WNT11: variants seen among roughly 807,000 people sequenced by gnomAD.
The protein encoded by WNT11 is Wnt family member 11, also known as protein Wnt-11.
WNT11 carries 20 observed loss-of-function variants against 35.6 expected under a neutral mutation model. That is an observed-to-expected ratio of 0.56 (90% CI 0.40 to 0.82). WNT11 has a LOEUF of 0.82. Ranked by LOEUF, WNT11 falls within the 40% of genes least tolerant of loss-of-function variation. The pLI is 0.00. For synonymous variants in WNT11, 200 were observed against 211.9 expected (o/e 0.94, Z 0.49); for missense variants, 459 against 504.4 (o/e 0.91, Z 0.86).
intron 1 of WNT11, among the ~76,000 whole-genome samples, chr11:76,198,922 T>G (rs1448446829): frequency 1.3e-5 from 2 of 152,056 alleles, no homozygotes. Context: ...TCATCTGAGG[T>G]CAGGAGTTTG....
chr11:76,193,664 C>A (rs1216211333), intron 3 of WNT11, among the ~76,000 whole-genome samples: 2 of 152,238 alleles, frequency 1.3e-5, no homozygotes, highest in Non-Finnish European at 2.9e-5. Flanking sequence ...GCCACTGAAG[C>A]CCCTGGACTT....
intron 3 of WNT11, among the ~76,000 whole-genome samples, chr11:76,192,791 G>A (rs910022120): frequency 2.6e-5 from 4 of 152,216 alleles, no homozygotes; most frequent in African/African-American, 9.7e-5. Flanking sequence ...CCTTCTACGG[G>A]CCTTCCAGTT....
At chr11:76,208,275 T>C (rs1568507), upstream of WNT11, among the ~76,000 whole-genome samples, 1 of 152,080 alleles carries the variant, frequency 6.6e-6, no homozygotes, top group Non-Finnish European at 1.5e-5. Flanking sequence ...CTGGAGCCTG[T>C]CGGCAAAACC....
intron 1 of WNT11, among the ~76,000 whole-genome samples, chr11:76,199,346 GT>G (rs1183082541): frequency 6.6e-6 from 1 of 151,822 alleles, no homozygotes; most frequent in African/African-American, 2.4e-5. Context: ...TTAGCCGGGT[GT>G]TGTGGTGCAT....
intron 4 of WNT11, among the ~76,000 whole-genome samples, chr11:76,189,027 G>A (rs992188644): frequency 6.6e-6 from 1 of 152,188 alleles, no homozygotes; most frequent in Non-Finnish European, 1.5e-5. Context: ...GCAAGTGGGG[G>A]CTGCCAGCAG....
upstream of WNT11, among the ~76,000 whole-genome samples, chr11:76,208,425 G>T (rs1953506483): frequency 6.6e-6 from 1 of 152,210 alleles, no homozygotes; most frequent in African/African-American, 2.4e-5. Context: ...GTGTAACCCA[G>T]TCCCGTCCTC....
In WNT11 at chr11:76,194,616, G is replaced by T. The variant is rs1248504543; in HGVS notation, c.548C>A (p.Ser183Tyr). The T allele has an allele frequency of 1.3e-6, 2 of 1,550,314 alleles. No individual in the cohort carries two copies. The highest frequency in any genetic ancestry group is 3.9e-5 in the Admixed American group (2 of 50,970). Residue 183 changes from serine (S) to tyrosine (Y), a missense_variant, in exon 3 of 5, where the codon TCC becomes TAC. Physicochemically the swap from Ser to Tyr is moderately radical, Grantham distance 144 (BLOSUM62 -2). Coordinates refer to ENST00000322563, the MANE Select transcript of WNT11 (RefSeq NM_004626.3). This position sits in a 1 kb window ranked among gnomAD's most constrained non-coding sequence, Gnocchi z 5.4. Reference protein sequence around the residue: ...DAPMKVKKTGSQANKLMRLHN... With the variant: ...DAPMKVKKTGYQANKLMRLHN... ...TAGACGCATCAGTTTATTGGCTTGGGATCCTGTTTTTTTCACCTTCATAGG... is the reference window on the plus strand; with the variant it reads ...TAGACGCATCAGTTTATTGGCTTGGTATCCTGTTTTTTTCACCTTCATAGG...
At chr11:76,204,817 G>GGAT (rs1953445909) in intron 1 of WNT11, among the ~76,000 whole-genome samples, 1 of 151,982 alleles carries the variant, frequency 6.6e-6, no homozygotes, top group African/African-American at 2.4e-5. Flanking sequence ...TGTGGAGCAG[G>GGAT]GATGATGGCA....
chr11:76,209,494 C>A (rs1304748765), upstream of WNT11, among the ~76,000 whole-genome samples: 1 of 152,170 alleles, frequency 6.6e-6, no homozygotes, highest in Admixed American at 6.5e-5. Flanking sequence ...TCGGCACGGG[C>A]GGGTCCCGAA....
intron 4 of WNT11, 140 bp from the exon 5 acceptor site, chr11:76,187,379 G>T: frequency 1.2e-6 from 1 of 818,960 alleles, no homozygotes; most frequent in Non-Finnish European, 1.7e-6. Context: ...TGATCTTTGG[G>T]GAATTTTAAA....
intron 1 of WNT11, among the ~76,000 whole-genome samples, chr11:76,202,459 T>C (rs1953394915): frequency 6.6e-6 from 1 of 152,114 alleles, no homozygotes; most frequent in Admixed American, 6.5e-5. Context: ...CTTTGGGCTT[T>C]CCTGGGCCCC....
intron 1 of WNT11, among the ~76,000 whole-genome samples, chr11:76,197,438 C>T (rs981950962): frequency 2.6e-5 from 4 of 152,194 alleles, no homozygotes; most frequent in Admixed American, 6.5e-5. Context: ...ACTTATAAAC[C>T]GTATTTCCCA....
At chr11:76,195,141 C>CAGTA (rs1437365494) in intron 2 of WNT11, 2 of 426,818 alleles carry the variant, frequency 4.7e-6, no homozygotes, top group Non-Finnish European at 8.3e-6. Context: ...GGATGCTTTA[C>CAGTA]AGTAGTGAGG....
chr11:76,187,315 G>A, intron 4 of WNT11, 76 bp from the exon 5 acceptor site: 2 of 1,391,374 alleles, frequency 1.4e-6, no homozygotes, highest in Non-Finnish European at 1.9e-6. Context: ...TCCCAGCCAG[G>A]CAGCCGGCAG....
upstream of WNT11, among the ~76,000 whole-genome samples, chr11:76,207,550 C>T (rs576918172): frequency 1.3e-5 from 2 of 152,048 alleles, no homozygotes; most frequent in East Asian, 3.9e-4. Flanking sequence ...TGCTCGGGGC[C>T]CTGCTTTCTC....
rs566408370 is a variant in WNT11, at chr11:76,191,079, T to G, written c.890+485A>C. Among the ~76,000 whole-genome samples, 150 of 152,272 alleles carry G rather than the reference T, an allele frequency of 9.9e-4. 1 individual carries two copies. Among genetic ancestry groups the G allele is most frequent in the Non-Finnish European group, 1.9e-3 (126 of 68,010 alleles). ...ACAGGGGCAGTGTTGCTGCACGGAA[T>G]GCAGGCAGACATCACTCTCCCTCAC... On this transcript the variant is annotated intron_variant, in intron 4 of 4. Transcript: ENST00000322563.
chr11:76,187,306 C>T, intron 4 of WNT11, 67 bp from the exon 5 acceptor site: 1 of 1,446,642 alleles, frequency 6.9e-7, no homozygotes, highest in Non-Finnish European at 9.1e-7. Flanking sequence ...CCCCATGACT[C>T]CCAGCCAGGC....
intron 1 of WNT11, among the ~76,000 whole-genome samples, chr11:76,202,373 C>A (rs1953392943): frequency 6.6e-6 from 1 of 152,220 alleles, no homozygotes; most frequent in Non-Finnish European, 1.5e-5. Context: ...CCTGCTGACC[C>A]TGAGGTGGGA....
chr11:76,196,005 G>A (rs1953278880), intron 2 of WNT11, among the ~76,000 whole-genome samples: 1 of 152,196 alleles, frequency 6.6e-6, no homozygotes, highest in Non-Finnish European at 1.5e-5. Flanking sequence ...AAGTCTTCGA[G>A]ATGTTCTGTC....
Sources: allele counts gnomAD v4.1 joint callset (sites outside exome capture counted in the v4.1 genomes callset), GRCh38; gene constraint gnomAD v4.1.1; non-coding constraint Gnocchi (gnomAD v3.1); transcripts MANE v1.5; gene names NCBI Gene and HGNC (gene_info 2026-07-23, HGNC 2026-07-21).